SCMH1: variants seen among roughly 807,000 people sequenced by gnomAD.
SCMH1 encodes the protein polycomb protein SCMH1.
SCMH1 carries 37 observed loss-of-function variants against 70.8 expected under a neutral mutation model. That is an observed-to-expected ratio of 0.52 (90% CI 0.40 to 0.69). The LOEUF (loss-of-function observed/expected upper bound fraction) is 0.69, where lower values mean the gene tolerates loss of function less well. SCMH1 is among the 30% of genes least tolerant of loss of function. The pLI is 0.00. For synonymous variants in SCMH1, 292 were observed against 307.4 expected (o/e 0.95, Z 0.52); for missense variants, 607 against 827.3 (o/e 0.73, Z 3.27).
chr1:41,191,187 C>A (rs995542798), intron 1 of SCMH1, among the ~76,000 whole-genome samples: 6 of 152,176 alleles, frequency 3.9e-5, no homozygotes, highest in African/African-American at 1.4e-4. Context: ...CTTTTAAGTT[C>A]TATCATATTG....
intron 1 of SCMH1, among the ~76,000 whole-genome samples, chr1:41,215,859 G>C (rs1291418362): frequency 6.6e-6 from 1 of 152,106 alleles, no homozygotes; most frequent in African/African-American, 2.4e-5. Context: ...ACAGTAGCAG[G>C]CATCAGATCC....
chr1:41,034,314 C>CT (rs1411804547), intron 13 of SCMH1, among the ~76,000 whole-genome samples: 1 of 151,816 alleles, frequency 6.6e-6, no homozygotes, highest in East Asian at 1.9e-4. Flanking sequence ...GCTGAGGTGA[C>CT]TTTTTTTCTT....
chr1:41,175,184 C>T (rs767513623), intron 2 of SCMH1, among the ~76,000 whole-genome samples: 2 of 152,186 alleles, frequency 1.3e-5, no homozygotes, highest in Non-Finnish European at 2.9e-5. Flanking sequence ...TTGCCCTCAC[C>T]AATGTGTGTG....
intron 1 of SCMH1, among the ~76,000 whole-genome samples, chr1:41,219,582 T>C (rs921972968): frequency 1.3e-5 from 2 of 152,220 alleles, no homozygotes; most frequent in African/African-American, 2.4e-5. Flanking sequence ...AATACCATAA[T>C]TGAAGTCCTA....
intron 1 of SCMH1, among the ~76,000 whole-genome samples, chr1:41,208,999 G>A (rs1475325532): frequency 1.8e-4 from 27 of 152,026 alleles, no homozygotes; most frequent in Non-Finnish European, 4.4e-5. Flanking sequence ...TAGTAAAGAA[G>A]AAAAGAGAGA....
intron 8 of SCMH1, among the ~76,000 whole-genome samples, chr1:41,098,023 GTTATCA>G (rs1410850503): frequency 6.6e-6 from 1 of 152,132 alleles, no homozygotes; most frequent in East Asian, 1.9e-4. Context: ...TCTCGAACTG[GTTATCA>G]ACTCTAAACA....
At chr1:41,148,371 C>T (rs1044485006) in intron 5 of SCMH1, among the ~76,000 whole-genome samples, 4 of 152,064 alleles carry the variant, frequency 2.6e-5, no homozygotes, top group Non-Finnish European at 4.4e-5. Context: ...TCTGTTATTT[C>T]ATTTGATATC....
chr1:41,091,927 G>T (rs1211360282), intron 8 of SCMH1, among the ~76,000 whole-genome samples: 2 of 41,076 alleles, frequency 4.9e-5, no homozygotes, highest in Non-Finnish European at 7.7e-5. Context: ...AATCAATATT[G>T]TGAAAAATGG....
intron 12 of SCMH1, among the ~76,000 whole-genome samples, chr1:41,039,773 C>T (rs1452308494): frequency 1.3e-5 from 2 of 152,094 alleles, no homozygotes; most frequent in Non-Finnish European, 2.9e-5. Context: ...CACACCTGGC[C>T]TGAAGACTGC....
chr1:41,200,293 T>C (rs1265787270), intron 1 of SCMH1, among the ~76,000 whole-genome samples: 3 of 151,858 alleles, frequency 2.0e-5, no homozygotes, highest in African/African-American at 2.4e-5. Context: ...CTGGTTAACA[T>C]GGTGAAACCC....
chr1:41,134,029 C>T (rs1411063134), intron 6 of SCMH1, among the ~76,000 whole-genome samples: 1 of 152,148 alleles, frequency 6.6e-6, no homozygotes, highest in African/African-American at 2.4e-5. Context: ...ATGCAAAAAT[C>T]CTCAATAAAA....
intron 2 of SCMH1, among the ~76,000 whole-genome samples, chr1:41,180,144 G>C (rs1015079072): frequency 2.0e-5 from 3 of 152,094 alleles, no homozygotes; most frequent in African/African-American, 7.2e-5. Context: ...TGCAGAAAAG[G>C]CCTTTGACAA....
At chr1:41,198,939 A>C (rs1184944631) in intron 1 of SCMH1, among the ~76,000 whole-genome samples, 1 of 152,174 alleles carries the variant, frequency 6.6e-6, no homozygotes, top group Non-Finnish European at 1.5e-5. Flanking sequence ...AAACTCCTCC[A>C]ACTACACCAA....
chr1:41,224,836 C>T (rs1050646394), intron 1 of SCMH1, among the ~76,000 whole-genome samples: 11 of 152,068 alleles, frequency 7.2e-5, no homozygotes, highest in African/African-American at 2.7e-4. Context: ...GTACATAGGA[C>T]AAATGTCAGT....
intron 8 of SCMH1, among the ~76,000 whole-genome samples, chr1:41,094,870 C>T (rs1403325843): frequency 6.7e-6 from 1 of 150,234 alleles, no homozygotes; most frequent in East Asian, 1.9e-4. Flanking sequence ...GCCTGTGGAG[C>T]AGAGTGAGAC....
rs559422748 is a variant in SCMH1 at position 41,183,675 on chromosome 1, A to G, written c.13+2446T>C. On this transcript the variant is annotated intron_variant, in intron 2 of 14. Transcript: ENST00000337495. ...AAAGAAAAAAAAAAGTTGTCTTTTT[A>G]CTAAATGCAGAAAGTTATGCAATGA... 7.9e-5 allele frequency among the ~76,000 whole-genome samples: 12 copies of G among 152,298 alleles called. No individual in the cohort carries two copies. The East Asian group carries it at 1.7e-3, about 22-fold the overall frequency.
chr1:41,177,559 T>C (rs1313036387), intron 2 of SCMH1, among the ~76,000 whole-genome samples: 1 of 152,150 alleles, frequency 6.6e-6, no homozygotes, highest in Non-Finnish European at 1.5e-5. Context: ...CTGATGGAGC[T>C]GAAAACCATG....
At chr1:41,039,078 T>C (rs1270473013) in intron 12 of SCMH1, among the ~76,000 whole-genome samples, 1 of 152,230 alleles carries the variant, frequency 6.6e-6, no homozygotes, top group Non-Finnish European at 1.5e-5. Flanking sequence ...CTGTCTGTGA[T>C]AGTACAAGAA....
chr1:41,181,958 A>C (rs1392797492), intron 2 of SCMH1, among the ~76,000 whole-genome samples: 1 of 152,250 alleles, frequency 6.6e-6, no homozygotes, highest in Non-Finnish European at 1.5e-5. Flanking sequence ...CCAAATGTCC[A>C]TCAATGATAG....
Sources: allele counts gnomAD v4.1 joint callset (sites outside exome capture counted in the v4.1 genomes callset), GRCh38; gene constraint gnomAD v4.1.1; transcripts MANE v1.5; gene names NCBI Gene and HGNC (gene_info 2026-07-23, HGNC 2026-07-21).